MTCH1: variants seen among roughly 807,000 people sequenced by gnomAD.
MTCH1 encodes the protein mitochondrial carrier homolog 1.
In MTCH1, 23 loss-of-function variants were observed where a neutral mutation model predicts 49.3. The observed-to-expected ratio is 0.47, with a 90% CI of 0.34 to 0.66. MTCH1 has a LOEUF of 0.66. Among genes scored for constraint, MTCH1 ranks in the 30% least tolerant of loss-of-function variants. The probability of loss-of-function intolerance (pLI) is 0.01; values close to 1 mark genes in which losing one functional copy is unlikely to be tolerated. For synonymous variants in MTCH1, 229 were observed against 215.2 expected (o/e 1.06, Z -0.56); for missense variants, 397 against 532.1 (o/e 0.75, Z 2.50).
chr6:36,986,002 C>T lies in MTCH1; in HGVS notation c.172G>A (p.Ala58Thr). Residue 58 changes from alanine (A) to threonine (T), a missense_variant, in exon 1 of 12, where the codon GCT becomes ACT. Physicochemically the swap from Ala to Thr is moderately conservative, Grantham distance 58 (BLOSUM62 0). Around this residue, in one of 2 missense-constraint regions of MTCH1, gnomAD observed 145 missense variants for 143.8 expected, o/e 1.01. Coordinates refer to ENST00000373627, the MANE Select transcript of MTCH1 (RefSeq NM_001271641.2). The part of the protein sequence containing the change: ...RAHPRHPRPA[A>T]QPSARRMDGG... ...TCCATCCTGCGGGCCGAGGGCTGAGCCGCAGGCCGAGGGTGGCGAGGATGT... is the reference window on the plus strand; with the variant it reads ...TCCATCCTGCGGGCCGAGGGCTGAGTCGCAGGCCGAGGGTGGCGAGGATGT... 2 of 1,536,238 alleles carry T rather than the reference C, an allele frequency of 1.3e-6. No individual in the cohort carries two copies. The highest frequency in any genetic ancestry group is 8.8e-7 in the Non-Finnish European group (1 of 1,142,480).
At chr6:36,976,705 T>C (rs1430398197) in intron 6 of MTCH1, 2 of 410,432 alleles carry the variant, frequency 4.9e-6, no homozygotes, top group Admixed American at 2.7e-5. Context: ...TCAACACATA[T>C]GCCCCTGGCA....
chr6:36,981,060 C>G (rs529188208), intron 2 of MTCH1, among the ~76,000 whole-genome samples: 9 of 152,324 alleles, frequency 5.9e-5, no homozygotes, highest in African/African-American at 2.2e-4. Flanking sequence ...AGAAGTGAAG[C>G]TGCAATTCAC....
intron 7 of MTCH1, among the ~76,000 whole-genome samples, chr6:36,974,041 G>A (rs552896496): frequency 6.6e-5 from 10 of 152,284 alleles, no homozygotes; most frequent in East Asian, 1.9e-4. Context: ...AGGTCTAGGC[G>A]GTGACATACA....
chr6:36,971,743 T>G (rs1219708979), intron 8 of MTCH1, among the ~76,000 whole-genome samples: 1 of 152,090 alleles, frequency 6.6e-6, no homozygotes, highest in East Asian at 1.9e-4. Flanking sequence ...CCCAGGTGAT[T>G]CTGGCAGACA....
At chr6:36,969,341 C>T (rs1763590305) in intron 11 of MTCH1, 2 of 1,108,868 alleles carry the variant, frequency 1.8e-6, no homozygotes, top group Non-Finnish European at 2.2e-6. Flanking sequence ...TCCCTGCTTC[C>T]CTCCCATCTG....
In MTCH1 at chr6:36,970,096, G is replaced by C; in HGVS notation, c.1041C>G (p.Pro347=). 6.2e-7 allele frequency: 1 copy of C among 1,614,056 alleles called. No individual in the cohort carries two copies. Among genetic ancestry groups the C allele is most frequent in the Non-Finnish European group, 8.5e-7 (1 of 1,179,934 alleles). ...AGGATTTGAACACTGGGGAGTAAGG[G>C]GGGAGCCCAGCTTGCAGCCTGCCGG... The part of the protein sequence containing the change: ...VNNCGLQAGL[P]PYSPVFKSWI... Residue 347 remains proline (P), a synonymous_variant, in exon 11 of 12, where the codon CCC becomes CCG. Transcript: ENST00000373627.
chr6:36,969,122 G>T lies in MTCH1; in HGVS notation c.1099-148C>A, dbSNP rs1002322950. On this transcript the variant is annotated intron_variant, in intron 11 of 11. Transcript: ENST00000373627. ...CGGCCTCGGCCTACATCCCTGGAGGGCAGAATCTGCCTGTGTTGAAGCAGA... is the reference window on the plus strand; with the variant it reads ...CGGCCTCGGCCTACATCCCTGGAGGTCAGAATCTGCCTGTGTTGAAGCAGA... The T allele has an allele frequency of 1.5e-5, 22 of 1,434,284 alleles. No homozygotes were observed. In the African/African-American group the frequency reaches 2.4e-4, roughly 16 times the overall value. 88.8% of individuals were successfully genotyped at this position (1,434,284 alleles called of 1,614,324 possible). A position where few individuals can be genotyped will look rare whatever the true frequency, so the allele number is the denominator to read the frequency against.
Position 36,977,107 on chromosome 6 carries a change from G to T in MTCH1, c.701+92C>A. On this transcript the variant is annotated intron_variant, in intron 6 of 11. Transcript: ENST00000373627. The surrounding 1 kb of genome is among the most constrained non-coding windows in gnomAD (Gnocchi z 5.4). Reference sequence around the variant, plus strand: ...GCTGAACTCACACAGCACTAGGGCAGAAAAGGTGCAGCAACCAATCCCAGC... The same window carrying T: ...GCTGAACTCACACAGCACTAGGGCATAAAAGGTGCAGCAACCAATCCCAGC... 1 of 1,387,534 alleles carries T rather than the reference G, an allele frequency of 7.2e-7. No individual in the cohort carries two copies. 86.0% of individuals were successfully genotyped at this position (1,387,534 alleles called of 1,614,324 possible).
At position 36,981,637 on chromosome 6, in the gene MTCH1, G is replaced by C. The variant is rs542891476; in HGVS notation, c.357C>G (p.Thr119=). 5.2e-5 allele frequency: 84 copies of C among 1,613,806 alleles called. 1 individual carries two copies. The East Asian group carries it at 1.2e-3, about 23-fold the overall frequency. ...GHEPMPPTLG[T]NVLGRKVLYL... ...AGAGGACCTTCCTCCCCAGCACATT[G>C]GTCCCAAGGGTGGGGGGCATCGGCT... Residue 119 remains threonine, a synonymous_variant, in exon 2 of 12, where the codon ACC becomes ACG. Coordinates refer to ENST00000373627, the MANE Select transcript of MTCH1 (RefSeq NM_001271641.2).
intron 1 of MTCH1, among the ~76,000 whole-genome samples, chr6:36,984,078 T>C (rs542143449): frequency 1.2e-4 from 19 of 152,252 alleles, no homozygotes; most frequent in South Asian, 2.1e-4. Context: ...AAGCCACTTC[T>C]TCATTTCCCT....
In MTCH1 at chr6:36,972,690, G is replaced by A. The variant is rs907261828; in HGVS notation, c.868C>T (p.Pro290Ser). Reference protein sequence around the residue: ...YLVDDSVSDTPGGLGNDQNPG... With the variant: ...YLVDDSVSDTSGGLGNDQNPG... ...TTCTGGTCGTTTCCCAGCCCCCCTG[G>A]GGTGTCACTCACGCTGTCATCCACC... is the stretch of plus-strand genomic sequence containing the variant. Residue 290 changes from proline to serine, a missense_variant, in exon 8 of 12, where the codon CCA becomes TCA. By Grantham distance (74) the Pro-to-Ser change is moderately conservative. Coordinates refer to ENST00000373627, the MANE Select transcript of MTCH1 (RefSeq NM_001271641.2). This position sits in a 1 kb window ranked among gnomAD's most constrained non-coding sequence, Gnocchi z 4.1. The A allele has an allele frequency of 1.3e-6, 2 of 1,551,744 alleles. No individual in the cohort carries two copies. The highest frequency in any genetic ancestry group is 2.4e-5 in the South Asian group (2 of 84,058).
At position 36,977,166 on chromosome 6, in the gene MTCH1, A is replaced by G; in HGVS notation, c.701+33T>C. On this transcript the variant is annotated intron_variant, in intron 6 of 11. Transcript: ENST00000373627. The surrounding 1 kb of genome is among the most constrained non-coding windows in gnomAD (Gnocchi z 5.4). ...CCCTGGCCGACTCTGAAAGGGTAAC[A>G]GGGCCACTCTGCCAGTCCCAAGAGT... 6.2e-7 allele frequency: 1 copy of G among 1,611,526 alleles called. No individual in the cohort carries two copies. Among genetic ancestry groups the G allele is most frequent in the South Asian group, 1.1e-5 (1 of 91,052 alleles).
At position 36,982,009 on chromosome 6, in the gene MTCH1, T is replaced by C. The variant is rs1289424944; in HGVS notation, c.322-337A>G. ...GTATGTACTGCAAACCCTACTCCCA[T>C]CTCAGAACAAATCTCAGTTATTCTC... On this transcript the variant is annotated intron_variant, in intron 1 of 11. Transcript: ENST00000373627. The surrounding 1 kb of genome is among the most constrained non-coding windows in gnomAD (Gnocchi z 4.1). Among the ~76,000 whole-genome samples the C allele has an allele frequency of 6.6e-6, 1 of 152,162 alleles. No homozygotes were observed. The highest frequency in any genetic ancestry group is 1.5e-5 in the Non-Finnish European group (1 of 68,028).
intron 10 of MTCH1, 71 bp downstream of exon 10, chr6:36,970,335 A>AGGGCTC: frequency 1.9e-6 from 3 of 1,581,804 alleles, no homozygotes; most frequent in Non-Finnish European, 2.6e-6. Context: ...GAGTGCTGGA[A>AGGGCTC]GGGCTCGGTG....
chr6:36,984,950 C>A (rs1044234583), intron 1 of MTCH1, among the ~76,000 whole-genome samples: 1 of 152,076 alleles, frequency 6.6e-6, no homozygotes, highest in Non-Finnish European at 1.5e-5. Flanking sequence ...CTCTCTGACC[C>A]CAACTATGAC....
chr6:36,975,534 C>T (rs1432234612), intron 7 of MTCH1, 124 bp downstream of exon 7: 4 of 911,096 alleles, frequency 4.4e-6, no homozygotes, highest in Admixed American at 2.0e-5. Flanking sequence ...GGCTGCAGCA[C>T]TCAGGCTAGG....
upstream of MTCH1, chr6:36,986,286 G>A: frequency 9.7e-7 from 1 of 1,035,930 alleles, no homozygotes; most frequent in Non-Finnish European, 1.3e-6. Context: ...GCTCGGGAGC[G>A]TGGTGCGGCG....
At chr6:36,980,616 C>A (rs866542569) in intron 2 of MTCH1, among the ~76,000 whole-genome samples, 1 of 152,228 alleles carries the variant, frequency 6.6e-6, no homozygotes, top group Non-Finnish European at 1.5e-5. Context: ...ATTCTGCCAA[C>A]AGCATGTGAA....
rs544376082 is a variant in MTCH1, at chr6:36,974,534, C to T, written c.761+1124G>A. 1.5e-4 allele frequency among the ~76,000 whole-genome samples: 23 copies of T among 152,220 alleles called. No homozygotes were observed. The East Asian group carries it at 4.4e-3, about 29-fold the overall frequency. On this transcript the variant is annotated intron_variant, in intron 7 of 11. Coordinates refer to ENST00000373627, the MANE Select transcript of MTCH1 (RefSeq NM_001271641.2). The stretch of plus-strand genomic sequence containing the variant: ...CACAGATGCAAGCAACGACACCTGA[C>T]TGAATAAGTCTTTGTTGCGGGGCTG...
Sources: gnomAD v4.1 joint callset for allele counts (sites outside exome capture counted in the v4.1 genomes callset) on GRCh38, gnomAD v4.1.1 for gene constraint, gnomAD v4.1.1 regional missense constraint, Gnocchi (gnomAD v3.1) non-coding constraint, MANE v1.5 for transcripts, NCBI Gene and HGNC (gene_info 2026-07-23, HGNC 2026-07-21) for gene names.